Variants in ITGA9 observed in about 807,000 individuals in gnomAD.
ITGA9 encodes the protein integrin subunit alpha 9.
ITGA9 carries 56 observed loss-of-function variants against 127.8 expected under a neutral mutation model. The observed-to-expected ratio is 0.44, with a 90% CI of 0.35 to 0.55. The LOEUF (loss-of-function observed/expected upper bound fraction) is 0.55, where lower values mean the gene tolerates loss of function less well. ITGA9 is among the 20% of genes least tolerant of loss of function. ITGA9 has a pLI of 0.00. For synonymous variants in ITGA9, 508 were observed against 514.5 expected (o/e 0.99, Z 0.17); for missense variants, 1,196 against 1,347.1 (o/e 0.89, Z 1.76).
At chr3:37,726,626 G>C (rs903922065) in intron 18 of ITGA9, among the ~76,000 whole-genome samples, 10 of 152,240 alleles carry the variant, frequency 6.6e-5, no homozygotes, top group African/African-American at 2.2e-4. Context: ...GACAGGCAAG[G>C]TATGTCTGGA....
intron 21 of ITGA9, 86 bp downstream of exon 21, chr3:37,741,905 C>A: frequency 9.1e-7 from 1 of 1,100,148 alleles, no homozygotes; most frequent in Non-Finnish European, 1.4e-6. Context: ...GTGTAGCCAG[C>A]CAGGAGCCAA....
At chr3:37,508,715 C>A in intron 8 of ITGA9, 88 bp downstream of exon 8, 1 of 1,020,308 alleles carries the variant, frequency 9.8e-7, no homozygotes, top group Non-Finnish European at 1.5e-6. Flanking sequence ...GGTTTGAAGG[C>A]CCTACCTGTG....
At chr3:37,501,267 A>AAGCACAGCCTGCCTCCTAGCTCC (rs1682378802) in intron 5 of ITGA9, among the ~76,000 whole-genome samples, 1 of 152,182 alleles carries the variant, frequency 6.6e-6, no homozygotes, top group Admixed American at 6.5e-5. Context: ...TGATGGATAC[A>AAGCACAGCCTGCCTCCTAGCTCC]AGCACAGCCT....
At chr3:37,729,625 G>A (rs1045810324) in intron 18 of ITGA9, among the ~76,000 whole-genome samples, 5 of 151,184 alleles carry the variant, frequency 3.3e-5, no homozygotes. Flanking sequence ...GAGTTCCAGA[G>A]TACATTTTTG....
intron 8 of ITGA9, among the ~76,000 whole-genome samples, chr3:37,512,510 CCTT>C (rs1207986199): frequency 1.3e-5 from 2 of 151,994 alleles, no homozygotes; most frequent in East Asian, 1.9e-4. Context: ...CCATGCCCGG[CCTT>C]CTTCTTTTAT....
intron 4 of ITGA9, among the ~76,000 whole-genome samples, chr3:37,492,870 C>T (rs145188786): frequency 3.9e-5 from 6 of 152,046 alleles, no homozygotes; most frequent in South Asian, 2.1e-4. Flanking sequence ...TCCTTTTTGC[C>T]GTTGTGCTAT....
intron 26 of ITGA9, among the ~76,000 whole-genome samples, chr3:37,791,424 G>T (rs1420545033): frequency 6.6e-6 from 1 of 152,112 alleles, no homozygotes; most frequent in Non-Finnish European, 1.5e-5. Context: ...GAATGGATTC[G>T]AAGGCTATCC....
At chr3:37,632,411 A>G (rs934828504) in intron 16 of ITGA9, among the ~76,000 whole-genome samples, 1 of 152,216 alleles carries the variant, frequency 6.6e-6, no homozygotes, top group African/African-American at 2.4e-5. Flanking sequence ...TCCCAATGGA[A>G]GTGCTAAAAG....
chr3:37,528,569 T>C (rs750364930), intron 13 of ITGA9, among the ~76,000 whole-genome samples: 1 of 152,140 alleles, frequency 6.6e-6, no homozygotes, highest in Non-Finnish European at 1.5e-5. Flanking sequence ...CATTGACCTG[T>C]TGAGATGCAG....
intron 27 of ITGA9, among the ~76,000 whole-genome samples, chr3:37,811,267 C>A (rs576399695): frequency 6.6e-6 from 1 of 152,272 alleles, no homozygotes; most frequent in Admixed American, 6.5e-5. Flanking sequence ...CCAAATGAGT[C>A]CCCTCTCCTT....
intron 17 of ITGA9, among the ~76,000 whole-genome samples, chr3:37,669,282 G>A (rs1575186656): frequency 1.3e-5 from 2 of 152,326 alleles, no homozygotes; most frequent in East Asian, 3.9e-4. Flanking sequence ...TGCCTGGGAG[G>A]GTGACTTGTT....
chr3:37,720,864 C>T (rs1006685533), intron 18 of ITGA9, among the ~76,000 whole-genome samples: 3 of 152,160 alleles, frequency 2.0e-5, no homozygotes, highest in African/African-American at 7.2e-5. Context: ...TACAGAGGGA[C>T]ACGTTAGGAA....
At chr3:37,628,691 G>T (rs2125635111) in intron 15 of ITGA9, among the ~76,000 whole-genome samples, 1 of 152,302 alleles carries the variant, frequency 6.6e-6, no homozygotes, top group South Asian at 2.1e-4. Context: ...AGGGCCAGGA[G>T]TCAGAATTTC....
At chr3:37,466,277 G>T (rs1342421084) in intron 1 of ITGA9, among the ~76,000 whole-genome samples, 3 of 152,014 alleles carry the variant, frequency 2.0e-5, no homozygotes, top group African/African-American at 7.3e-5. Flanking sequence ...GAGGTCAGAA[G>T]TTCAAGACCG....
intron 16 of ITGA9, among the ~76,000 whole-genome samples, chr3:37,652,598 C>T (rs1001133566): frequency 2.0e-5 from 3 of 152,126 alleles, no homozygotes; most frequent in Non-Finnish European, 4.4e-5. Flanking sequence ...TTGGCCAGCA[C>T]GTTTGCTGGC....
intron 26 of ITGA9, among the ~76,000 whole-genome samples, chr3:37,800,327 T>A (rs1307955954): frequency 1.3e-5 from 2 of 152,218 alleles, no homozygotes; most frequent in African/African-American, 4.8e-5. Flanking sequence ...TAGCAGACTT[T>A]TCTCACACCC....
chr3:37,612,424 A>G (rs1700031838), intron 15 of ITGA9, among the ~76,000 whole-genome samples: 1 of 152,210 alleles, frequency 6.6e-6, no homozygotes, highest in African/African-American at 2.4e-5. Context: ...GAGTACTGTT[A>G]AGCATAAACA....
intron 3 of ITGA9, among the ~76,000 whole-genome samples, chr3:37,480,800 G>T (rs974927382): frequency 6.6e-6 from 1 of 152,064 alleles, no homozygotes; most frequent in Admixed American, 6.5e-5. Context: ...CATCTCCACT[G>T]CCCCTCCTGG....
At chr3:37,637,717 G>A (rs952745239) in intron 16 of ITGA9, among the ~76,000 whole-genome samples, 3 of 152,148 alleles carry the variant, frequency 2.0e-5, no homozygotes, top group Non-Finnish European at 4.4e-5. Flanking sequence ...CTGTCACACA[G>A]GCTGGAGTGC....
Sources: allele counts gnomAD v4.1 joint callset (sites outside exome capture counted in the v4.1 genomes callset), GRCh38; gene constraint gnomAD v4.1.1; transcripts MANE v1.5; gene names NCBI Gene and HGNC (gene_info 2026-07-23, HGNC 2026-07-21).